ZSWIM6: variants seen among roughly 807,000 people sequenced by gnomAD.
ZSWIM6 encodes zinc finger SWIM domain-containing protein 6.
In ZSWIM6, 9 loss-of-function variants were observed where a neutral mutation model predicts 113.2. The observed-to-expected ratio is 0.08, with a 90% CI of 0.05 to 0.14. The LOEUF (loss-of-function observed/expected upper bound fraction) is 0.14. Ranked by LOEUF, ZSWIM6 falls within the 10% of genes least tolerant of loss-of-function variation. The probability of loss-of-function intolerance (pLI) is 1.00; values close to 1 mark genes in which losing one functional copy is unlikely to be tolerated. For missense variants in ZSWIM6, 1,162 were observed against 1,552.2 expected (o/e 0.75, Z 4.22); for synonymous variants, 611 against 606.5 (o/e 1.01, Z -0.11).
chr5:61,540,512 AT>A (rs2112291417), intron 12 of ZSWIM6, among the ~76,000 whole-genome samples: 1 of 152,266 alleles, frequency 6.6e-6, no homozygotes, highest in East Asian at 1.9e-4. Flanking sequence ...TTAGTTGTGG[AT>A]TCTCCCTTAC....
In ZSWIM6 at chr5:61,332,779, C is replaced by T. The variant is rs1225114484; in HGVS notation, c.507C>T (p.Ala169=). The part of the protein sequence containing the change: ...PAATSAAATS[A]AAAAAAAAAA... ...CAACCTCGGCGGCCGCAACCTCGGC[C>T]GCCGCCGCCGCTGCCGCCGCCGCCG... is the stretch of plus-strand genomic sequence containing the variant. The change falls in exon 1 of 14, where the codon GCC becomes GCT. Residue 169 remains alanine, a synonymous_variant. Transcript: ENST00000252744. The T allele has an allele frequency of 2.7e-5, 21 of 766,590 alleles. No individual in the cohort carries two copies. Among genetic ancestry groups the T allele is most frequent in the African/African-American group, 8.1e-5 (4 of 49,198 alleles). 47.5% of individuals were successfully genotyped at this position (766,590 alleles called of 1,614,324 possible).
intron 1 of ZSWIM6, among the ~76,000 whole-genome samples, chr5:61,422,362 A>G (rs889731748): frequency 6.6e-6 from 1 of 152,218 alleles, no homozygotes. Flanking sequence ...CTTTTGTCAA[A>G]AATGAATTCA....
chr5:61,519,951 G>T (rs1044211925), intron 4 of ZSWIM6, among the ~76,000 whole-genome samples: 1 of 152,076 alleles, frequency 6.6e-6, no homozygotes, highest in Non-Finnish European at 1.5e-5. Context: ...GTGTTCCTAT[G>T]AGAATCTAAT....
intron 1 of ZSWIM6, among the ~76,000 whole-genome samples, chr5:61,425,734 G>A (rs144648317): frequency 3.3e-5 from 5 of 152,276 alleles, no homozygotes; most frequent in Middle Eastern, 3.4e-3. Flanking sequence ...AAGGCCATTG[G>A]TAAAGGACAT....
At chr5:61,540,838 C>A (rs1354876495) in intron 12 of ZSWIM6, among the ~76,000 whole-genome samples, 4 of 151,224 alleles carry the variant, frequency 2.6e-5, no homozygotes, top group African/African-American at 9.7e-5. Flanking sequence ...TCTCACAGGC[C>A]CTTTGTGAGT....
chr5:61,468,499 C>T (rs1747487968), intron 1 of ZSWIM6, among the ~76,000 whole-genome samples: 1 of 152,110 alleles, frequency 6.6e-6, no homozygotes. Flanking sequence ...AGGATTGTCC[C>T]TTTTTGTATG....
intron 1 of ZSWIM6, among the ~76,000 whole-genome samples, chr5:61,413,113 C>CT (rs1287471055): frequency 6.6e-6 from 1 of 150,856 alleles, no homozygotes; most frequent in Non-Finnish European, 1.5e-5. Context: ...TGCTGGTGTG[C>CT]TGCACCCATT....
At chr5:61,444,829 G>A (rs1746916209) in intron 1 of ZSWIM6, among the ~76,000 whole-genome samples, 1 of 152,140 alleles carries the variant, frequency 6.6e-6, no homozygotes, top group South Asian at 2.1e-4. Context: ...TTTTGGCTGT[G>A]TGTCTCATGA....
chr5:61,384,658 A>G (rs979633321), intron 1 of ZSWIM6, among the ~76,000 whole-genome samples: 1 of 152,200 alleles, frequency 6.6e-6, no homozygotes, highest in Non-Finnish European at 1.5e-5. Context: ...TTGATGGAAT[A>G]TTAGAACTTT....
chr5:61,420,883 C>G (rs971742812), intron 1 of ZSWIM6, among the ~76,000 whole-genome samples: 1 of 151,218 alleles, frequency 6.6e-6, no homozygotes, highest in Non-Finnish European at 1.5e-5. Flanking sequence ...AGTCACCCTG[C>G]TGTGCTAACA....
At chr5:61,411,259 A>G (rs1218963233) in intron 1 of ZSWIM6, among the ~76,000 whole-genome samples, 1 of 152,182 alleles carries the variant, frequency 6.6e-6, no homozygotes, top group Non-Finnish European at 1.5e-5. Context: ...GTCTTGTTGG[A>G]TGAGTCTGTA....
chr5:61,408,486 A>G (rs1746085360), intron 1 of ZSWIM6, among the ~76,000 whole-genome samples: 1 of 152,184 alleles, frequency 6.6e-6, no homozygotes, highest in Non-Finnish European at 1.5e-5. Context: ...TAAGGGGGAA[A>G]CAGCAGTTTA....
At chr5:61,452,296 T>C (rs1479929105) in intron 1 of ZSWIM6, among the ~76,000 whole-genome samples, 2 of 152,212 alleles carry the variant, frequency 1.3e-5, no homozygotes, top group Non-Finnish European at 2.9e-5. Flanking sequence ...TAGTATTCTA[T>C]ATGAATATAT....
At chr5:61,340,021 T>C (rs1744506057) in intron 1 of ZSWIM6, among the ~76,000 whole-genome samples, 1 of 152,194 alleles carries the variant, frequency 6.6e-6, no homozygotes, top group Non-Finnish European at 1.5e-5. Context: ...ATCTCAAAAG[T>C]AAAGTGTGTC....
At chr5:61,492,628 C>T (rs888868933) in intron 3 of ZSWIM6, among the ~76,000 whole-genome samples, 10 of 152,118 alleles carry the variant, frequency 6.6e-5, no homozygotes, top group Admixed American at 6.6e-5. Flanking sequence ...TTTCTTCCTC[C>T]ATCTTCACCT....
chr5:61,366,686 A>T (rs1276956589), intron 1 of ZSWIM6, among the ~76,000 whole-genome samples: 1 of 152,190 alleles, frequency 6.6e-6, no homozygotes, highest in Non-Finnish European at 1.5e-5. Context: ...TAATCTCAGC[A>T]CTTTGGAGGC....
intron 1 of ZSWIM6, among the ~76,000 whole-genome samples, chr5:61,358,655 A>G (rs1744970309): frequency 6.6e-6 from 1 of 152,232 alleles, no homozygotes; most frequent in Non-Finnish European, 1.5e-5. Flanking sequence ...AGGAACTGGT[A>G]TGGTTTTACT....
rs531437736 is a variant in ZSWIM6, at chr5:61,371,580, T to C, written c.676+38632T>C. On this transcript the variant is annotated intron_variant, in intron 1 of 13. Transcript: ENST00000252744. Reference sequence around the variant, plus strand: ...TTGTTTAGAAGTAGTTGGCAAGATATTTATCTTTTGATTTTTTTTCCTAAA... The same window carrying C: ...TTGTTTAGAAGTAGTTGGCAAGATACTTATCTTTTGATTTTTTTTCCTAAA... Among the ~76,000 whole-genome samples the C allele has an allele frequency of 2.0e-5, 3 of 152,256 alleles. No homozygotes were observed. The East Asian group carries it at 5.8e-4, about 29-fold the overall frequency.
chr5:61,461,985 T>C (rs1158102774), intron 1 of ZSWIM6, among the ~76,000 whole-genome samples: 1 of 152,188 alleles, frequency 6.6e-6, no homozygotes, highest in African/African-American at 2.4e-5. Flanking sequence ...CTCACTGTTC[T>C]TAAAGCGTAC....
Sources: gnomAD v4.1 joint callset for allele counts (sites outside exome capture counted in the v4.1 genomes callset) on GRCh38, gnomAD v4.1.1 for gene constraint, MANE v1.5 for transcripts, NCBI Gene and HGNC (gene_info 2026-07-23, HGNC 2026-07-21) for gene names.